TCF4: variants seen among roughly 807,000 people sequenced by gnomAD.
TCF4 encodes transcription factor 4, also known as SL3-3 enhancer factor 2.
TCF4 carries 3 observed loss-of-function variants against 82.1 expected under a neutral mutation model. That is an observed-to-expected ratio of 0.04 (90% confidence interval 0.02 to 0.09). The LOEUF is 0.09. Among genes scored for constraint, TCF4 ranks in the 10% least tolerant of loss-of-function variants. TCF4 has a pLI of 1.00. For synonymous variants in TCF4, 276 were observed against 309.6 expected (o/e 0.89, Z 1.14); for missense variants, 518 against 852.7 (o/e 0.61, Z 4.89).
intron 2 of TCF4, among the ~76,000 whole-genome samples, chr18:55,614,605 G>C (rs374132073): frequency 6.6e-6 from 1 of 152,026 alleles, no homozygotes; most frequent in Admixed American, 6.6e-5. Context: ...TTAAAATTGG[G>C]TTCTTAAAAT....
Position 55,354,409 on chromosome 18 carries a change from C to A in TCF4, c.370-3406G>T, listed in dbSNP as rs1259002288. ...AATGTCTTTCGAACACATTCTCAAC[C>A]CTGCCCCCATTCCTTTTCAGGGGAG... is the stretch of plus-strand genomic sequence containing the variant. On this transcript the variant is annotated intron_variant, in intron 6 of 19. Transcript: ENST00000354452. Among the ~76,000 whole-genome samples, 3 of 152,264 alleles carry A rather than the reference C, an allele frequency of 2.0e-5. No homozygotes were observed. The East Asian group carries it at 5.8e-4, about 29-fold the overall frequency.
intron 8 of TCF4, among the ~76,000 whole-genome samples, chr18:55,308,630 G>A (rs1299010523): frequency 6.6e-6 from 1 of 152,178 alleles, no homozygotes; most frequent in Non-Finnish European, 1.5e-5. Flanking sequence ...CCCTTCTGGA[G>A]GGTATCACTG....
rs904348325 is a variant in TCF4, at chr18:55,222,796, A to C, written c.*5239T>G. On this transcript the variant is annotated 3_prime_UTR_variant, in exon 20 of 20. Coordinates refer to ENST00000354452, the MANE Select transcript of TCF4 (RefSeq NM_001083962.2). ...ATTAACTTACAGTACATAACACTGA[A>C]TAATTTTAATCTGTACATTTTTTTC... The C allele has an allele frequency of 2.0e-5, 3 of 152,678 alleles. No homozygotes were observed. Among genetic ancestry groups the C allele is most frequent in the Admixed American group, 6.5e-5 (1 of 15,278 alleles). 9.5% of individuals were successfully genotyped at this position (152,678 alleles called of 1,614,324 possible).
At chr18:55,585,392 A>G (rs1359764680) in intron 2 of TCF4, 40 bp from the exon 3 acceptor site, 1 of 1,567,736 alleles carries the variant, frequency 6.4e-7, no homozygotes, top group Non-Finnish European at 8.8e-7. Flanking sequence ...AAAAGAAGAC[A>G]CTTGTGCCTT....
chr18:55,346,158 A>G (rs1043377934), intron 8 of TCF4, among the ~76,000 whole-genome samples: 1 of 152,146 alleles, frequency 6.6e-6, no homozygotes. Flanking sequence ...ATTTTTCTTG[A>G]TACCCCTAAT....
chr18:55,547,358 G>C (rs1430043114), intron 3 of TCF4, among the ~76,000 whole-genome samples: 2 of 152,132 alleles, frequency 1.3e-5, no homozygotes, highest in Non-Finnish European at 1.5e-5. Flanking sequence ...CTGTCAAACT[G>C]ACAGCCATGT....
intron 3 of TCF4, among the ~76,000 whole-genome samples, chr18:55,486,882 G>A (rs1200806722): frequency 6.6e-6 from 1 of 152,030 alleles, no homozygotes; most frequent in African/African-American, 2.4e-5. Context: ...TGCAGCCTTT[G>A]CCAACCCCCT....
At chr18:55,439,223 C>T (rs577902995) in intron 5 of TCF4, among the ~76,000 whole-genome samples, 2 of 152,106 alleles carry the variant, frequency 1.3e-5, no homozygotes, top group Non-Finnish European at 2.9e-5. Flanking sequence ...GAGCAACAAA[C>T]AAGGAGTTTT....
intron 8 of TCF4, among the ~76,000 whole-genome samples, chr18:55,314,469 C>A (rs1211221372): frequency 6.6e-6 from 1 of 151,256 alleles, no homozygotes; most frequent in Non-Finnish European, 1.5e-5. Context: ...TTAATCACAT[C>A]AGTACTTAAC....
At chr18:55,308,217 C>T (rs780160218) in intron 8 of TCF4, among the ~76,000 whole-genome samples, 7 of 152,054 alleles carry the variant, frequency 4.6e-5, no homozygotes, top group South Asian at 4.1e-4. Context: ...GATGGACAGA[C>T]GTTTTCATTT....
At chr18:55,339,124 A>G (rs996273030) in intron 8 of TCF4, among the ~76,000 whole-genome samples, 5 of 152,238 alleles carry the variant, frequency 3.3e-5, no homozygotes, top group African/African-American at 7.2e-5. Flanking sequence ...AGTAACCAAG[A>G]GGTGATCATA....
chr18:55,452,209 A>T (rs2095637781), intron 5 of TCF4, among the ~76,000 whole-genome samples: 2 of 152,140 alleles, frequency 1.3e-5, no homozygotes, highest in South Asian at 4.1e-4. Context: ...AAACTTCTGG[A>T]CAAAAGTTGG....
At chr18:55,622,280 G>C (rs1000328700) in intron 2 of TCF4, among the ~76,000 whole-genome samples, 1 of 150,670 alleles carries the variant, frequency 6.6e-6, no homozygotes, top group African/African-American at 2.4e-5. Context: ...AGGCCAAGGT[G>C]GGCAGATCAC....
At chr18:55,282,585 GT>G (rs766388415) in intron 8 of TCF4, among the ~76,000 whole-genome samples, 2 of 151,910 alleles carry the variant, frequency 1.3e-5, no homozygotes, top group Non-Finnish European at 2.9e-5. Flanking sequence ...TCAGTTTTTA[GT>G]ATTATTATTC....
At chr18:55,487,100 GTAC>G in intron 3 of TCF4, among the ~76,000 whole-genome samples, 1 of 152,270 alleles carries the variant, frequency 6.6e-6, no homozygotes, top group East Asian at 1.9e-4. Flanking sequence ...GGATCTGTGT[GTAC>G]TTTCTTCTCA....
At chr18:55,564,549 G>A (rs1222536906) in intron 3 of TCF4, among the ~76,000 whole-genome samples, 2 of 152,210 alleles carry the variant, frequency 1.3e-5, no homozygotes, top group African/African-American at 2.4e-5. Flanking sequence ...TAACACAAAT[G>A]ATAAGGTCAA....
At chr18:55,592,096 C>T (rs1031582131), upstream of TCF4, among the ~76,000 whole-genome samples, 2 of 152,070 alleles carry the variant, frequency 1.3e-5, no homozygotes, top group African/African-American at 4.8e-5. Flanking sequence ...AGATTGGAGG[C>T]ACCTAAGAAA....
chr18:55,359,756 C>T (rs988262826), intron 6 of TCF4, among the ~76,000 whole-genome samples: 6 of 152,200 alleles, frequency 3.9e-5, no homozygotes, highest in Admixed American at 1.3e-4. Flanking sequence ...CCTTAATATG[C>T]AAAAGGCTCA....
At chr18:55,491,215 T>C (rs1346168611) in intron 3 of TCF4, among the ~76,000 whole-genome samples, 1 of 152,130 alleles carries the variant, frequency 6.6e-6, no homozygotes, top group Non-Finnish European at 1.5e-5. Context: ...TTATTATTTA[T>C]GAGAAAAAGT....
Sources: allele counts gnomAD v4.1 joint callset (sites outside exome capture counted in the v4.1 genomes callset), GRCh38; gene constraint gnomAD v4.1.1; transcripts MANE v1.5; gene names NCBI Gene and HGNC (gene_info 2026-07-23, HGNC 2026-07-21).